The following RANBP2 variants were observed in gnomAD, a reference collection of about 807,000 sequenced individuals.
RANBP2 encodes RAN binding protein 2.
RANBP2 carries 57 observed loss-of-function variants against 303.6 expected under a neutral mutation model. That is an observed-to-expected ratio of 0.19 (90% confidence interval 0.15 to 0.23). The LOEUF (loss-of-function observed/expected upper bound fraction) is 0.23. RANBP2 is among the 10% of genes least tolerant of loss of function. The probability of loss-of-function intolerance (pLI) is 1.00; values close to 1 mark genes in which losing one functional copy is unlikely to be tolerated. For missense variants in RANBP2, 3,138 were observed against 3,780.8 expected (o/e 0.83, Z 4.46); for synonymous variants, 1,167 against 1,301.5 (o/e 0.90, Z 2.23).
chr2:109,520,287 G>A, the RANBP2 span, among the ~76,000 whole-genome samples: 1 of 152,114 alleles, frequency 6.6e-6, no homozygotes, highest in Non-Finnish European at 1.5e-5. Flanking sequence ...AAAGGTGGGT[G>A]GGAATAAGAG....
chr2:109,778,607 C>T, the RANBP2 span, among the ~76,000 whole-genome samples: 1 of 147,128 alleles, frequency 6.8e-6, no homozygotes, highest in Non-Finnish European at 1.5e-5. Flanking sequence ...CCTGGATCAC[C>T]CCACTGTCAT....
the RANBP2 span, among the ~76,000 whole-genome samples, chr2:109,714,473 T>C: frequency 1.3e-5 from 2 of 151,862 alleles, no homozygotes; most frequent in African/African-American, 4.8e-5. Context: ...GGCTAATTTT[T>C]GTATTTTTAG....
the RANBP2 span, chr2:109,585,247 G>A: frequency 6.2e-7 from 1 of 1,613,278 alleles, no homozygotes; most frequent in South Asian, 1.1e-5. Context: ...GGGCAAAAAT[G>A]TGAGGATTCA....
the RANBP2 span, among the ~76,000 whole-genome samples, chr2:109,622,951 A>C: frequency 6.6e-6 from 1 of 152,134 alleles, no homozygotes; most frequent in Non-Finnish European, 1.5e-5. Context: ...ACATGGTGAA[A>C]CCCTGTGTCT....
At chr2:109,201,093 C>G in the RANBP2 span, among the ~76,000 whole-genome samples, 2 of 152,228 alleles carry the variant, frequency 1.3e-5, no homozygotes, top group African/African-American at 2.4e-5. Flanking sequence ...TCTCAGTTCT[C>G]TCCCCTGTCC....
At chr2:109,168,077 T>C in the RANBP2 span, among the ~76,000 whole-genome samples, 1 of 152,226 alleles carries the variant, frequency 6.6e-6, no homozygotes, top group Admixed American at 6.5e-5. Flanking sequence ...AATGAAATCA[T>C]CCTACACACC....
At chr2:109,233,606 G>C in the RANBP2 span, among the ~76,000 whole-genome samples, 1 of 152,182 alleles carries the variant, frequency 6.6e-6, no homozygotes, top group Admixed American at 6.5e-5. Flanking sequence ...CTTGAGGGTG[G>C]GGCCTTTGCC....
chr2:108,977,652 CCCT>C, the RANBP2 span, among the ~76,000 whole-genome samples: 1 of 152,178 alleles, frequency 6.6e-6, no homozygotes, highest in East Asian at 1.9e-4. Context: ...TGGACGTCCT[CCCT>C]CCTGGGACCC....
At chr2:109,230,462 C>G in the RANBP2 span, among the ~76,000 whole-genome samples, 3 of 152,088 alleles carry the variant, frequency 2.0e-5, no homozygotes, top group African/African-American at 7.2e-5. Flanking sequence ...TGCCTGTTAT[C>G]CCAGTTACTC....
the RANBP2 span, among the ~76,000 whole-genome samples, chr2:109,336,478 G>T: frequency 6.6e-6 from 1 of 152,050 alleles, no homozygotes; most frequent in Non-Finnish European, 1.5e-5. Flanking sequence ...GTCCTGGTGT[G>T]CCCACGGCTA....
At chr2:108,965,875 TC>T in the RANBP2 span, among the ~76,000 whole-genome samples, 1 of 151,246 alleles carries the variant, frequency 6.6e-6, no homozygotes. Context: ...CCTTCTGTGC[TC>T]CCCCCTCTCC....
chr2:109,188,865 C>T, the RANBP2 span, among the ~76,000 whole-genome samples: 6 of 152,164 alleles, frequency 3.9e-5, no homozygotes, highest in East Asian at 5.8e-4. Context: ...CCAGGGGGAA[C>T]GTGTTCGCTT....
the RANBP2 span, among the ~76,000 whole-genome samples, chr2:109,532,404 C>T: frequency 2.0e-5 from 3 of 151,950 alleles, no homozygotes; most frequent in East Asian, 1.9e-4. Flanking sequence ...ATCTAGAAGC[C>T]GGCTAAGGTT....
At chr2:108,750,603 T>G (rs1675804263) in intron 9 of RANBP2, among the ~76,000 whole-genome samples, 1 of 145,662 alleles carries the variant, frequency 6.9e-6, no homozygotes, top group Admixed American at 6.8e-5. Context: ...TTTTCTTTTC[T>G]TTGAGACAGA....
the RANBP2 span, among the ~76,000 whole-genome samples, chr2:108,937,557 TATG>T: frequency 1.3e-5 from 2 of 151,408 alleles, no homozygotes; most frequent in Non-Finnish European, 2.9e-5. Context: ...GTGTGAATGT[TATG>T]TGTGTGTGTA....
At chr2:109,490,775 A>G in the RANBP2 span, 3 of 1,536,624 alleles carry the variant, frequency 2.0e-6, no homozygotes, top group Non-Finnish European at 2.6e-6. Flanking sequence ...ACGGCAGGGC[A>G]GGGTCCTGCC....
chr2:108,914,260 C>CA, the RANBP2 span, among the ~76,000 whole-genome samples: 21 of 147,266 alleles, frequency 1.4e-4, no homozygotes, highest in East Asian at 4.0e-4. Flanking sequence ...AACTTTGTCT[C>CA]AAAAAAAAAT....
chr2:109,086,662 G>T, the RANBP2 span, among the ~76,000 whole-genome samples: 4 of 152,162 alleles, frequency 2.6e-5, no homozygotes, highest in African/African-American at 9.7e-5. Context: ...CATTCCATAA[G>T]GCCCCTGCCA....
At chr2:109,093,917 A>T in the RANBP2 span, among the ~76,000 whole-genome samples, 3 of 152,266 alleles carry the variant, frequency 2.0e-5, no homozygotes, top group Non-Finnish European at 2.9e-5. Flanking sequence ...ATTCTCACAG[A>T]AGCCCAGGAA....
Sources: gnomAD v4.1 joint callset for allele counts (sites outside exome capture counted in the v4.1 genomes callset) on GRCh38, gnomAD v4.1.1 for gene constraint, MANE v1.5 for transcripts, NCBI Gene and HGNC (gene_info 2026-07-23, HGNC 2026-07-21) for gene names.